Variants in ABLIM1 observed in about 807,000 individuals in gnomAD.
ABLIM1 encodes actin-binding LIM protein 1.
A neutral mutation model predicts 107.0 loss-of-function variants in ABLIM1; 40 were observed. That is an observed-to-expected ratio of 0.37 (90% CI 0.29 to 0.49). The LOEUF is 0.49. ABLIM1 is among the 20% of genes least tolerant of loss of function. The pLI, the probability that ABLIM1 is intolerant of heterozygous loss-of-function variation, is 0.97. For missense variants in ABLIM1, 857 were observed against 1,008.5 expected (o/e 0.85, Z 2.04); for synonymous variants, 357 against 357.3 (o/e 1.00, Z 0.01).
intron 12 of ABLIM1, among the ~76,000 whole-genome samples, chr10:114,461,582 G>C (rs1227971612): frequency 6.6e-6 from 1 of 152,076 alleles, no homozygotes; most frequent in Non-Finnish European, 1.5e-5. Context: ...ACGTTAGGAG[G>C]TCAAGGCGGG....
chr10:114,567,652 A>T (rs985657333), intron 4 of ABLIM1, among the ~76,000 whole-genome samples: 21 of 151,990 alleles, frequency 1.4e-4, no homozygotes, highest in African/African-American at 5.1e-4. Flanking sequence ...AAGGTCAGAG[A>T]CTCTTTCATA....
rs115621195 is a variant in ABLIM1, at chr10:114,646,335, C to T, written c.244+11622G>A. ...GATGAGCATTCAGCCATAGCATCCA[C>T]AATTGAGAACTAGGTGGGCAAAAAT... On this transcript the variant is annotated intron_variant, in intron 1 of 22. Transcript: ENST00000533213. Among the ~76,000 whole-genome samples the T allele has an allele frequency of 4.8e-3, 729 of 152,196 alleles. 2 individuals are homozygous for T. The highest frequency in any genetic ancestry group is 9.6e-3 in the African/African-American group (397 of 41,518).
At chr10:114,769,008 C>T (rs2082970595), upstream of ABLIM1, among the ~76,000 whole-genome samples, 2 of 151,448 alleles carry the variant, frequency 1.3e-5, no homozygotes, top group Non-Finnish European at 2.9e-5. Context: ...ACTCTCACGC[C>T]CTGTCCTCTC....
At chr10:114,598,207 G>A (rs2139840944) in intron 2 of ABLIM1, among the ~76,000 whole-genome samples, 1 of 149,372 alleles carries the variant, frequency 6.7e-6, no homozygotes, top group Admixed American at 6.7e-5. Flanking sequence ...CCGGAAGGCG[G>A]AGGTTGCAGC....
the ABLIM1 span, among the ~76,000 whole-genome samples, chr10:114,775,525 A>G: frequency 6.6e-6 from 1 of 152,190 alleles, no homozygotes; most frequent in Non-Finnish European, 1.5e-5. Context: ...CCATAGATAG[A>G]CCAGGAAGAG....
chr10:114,450,626 G>A (rs2061724511), intron 14 of ABLIM1, among the ~76,000 whole-genome samples: 1 of 142,150 alleles, frequency 7.0e-6, no homozygotes, highest in Non-Finnish European at 1.5e-5. Context: ...TTTAATAGAG[G>A]AGACAGGGTT....
chr10:114,478,914 A>G (rs571457575), intron 8 of ABLIM1, among the ~76,000 whole-genome samples: 60 of 152,318 alleles, frequency 3.9e-4, no homozygotes, highest in Non-Finnish European at 6.8e-4. Context: ...CAATGGCCCA[A>G]TTCTGTTTAC....
At chr10:114,674,889 G>A (rs1322659735) in intron 1 of ABLIM1, among the ~76,000 whole-genome samples, 2 of 152,062 alleles carry the variant, frequency 1.3e-5, no homozygotes, top group African/African-American at 2.4e-5. Context: ...AAGTTTGTGG[G>A]AGGCTGGATC....
chr10:114,457,356 G>T (rs751413773), intron 12 of ABLIM1, among the ~76,000 whole-genome samples: 1 of 151,690 alleles, frequency 6.6e-6, no homozygotes, highest in South Asian at 2.1e-4. Context: ...TGTAACCTCC[G>T]CCTCCCAGGT....
At chr10:114,637,927 A>T (rs1452914256) in intron 1 of ABLIM1, among the ~76,000 whole-genome samples, 2 of 152,202 alleles carry the variant, frequency 1.3e-5, no homozygotes, top group African/African-American at 4.8e-5. Context: ...AAATCCAGTT[A>T]TTGGGATATA....
chr10:114,724,680 GA>G (rs2081920713), intron 1 of ABLIM1, among the ~76,000 whole-genome samples: 3 of 152,332 alleles, frequency 2.0e-5, no homozygotes, highest in African/African-American at 7.2e-5. Flanking sequence ...GGAGAGCTCT[GA>G]GAAGTCCTGC....
intron 8 of ABLIM1, among the ~76,000 whole-genome samples, chr10:114,477,809 C>T (rs1409793932): frequency 1.3e-5 from 2 of 152,166 alleles, no homozygotes; most frequent in African/African-American, 4.8e-5. Flanking sequence ...ACTGCAACCT[C>T]TGCCTCCCAG....
the ABLIM1 span, among the ~76,000 whole-genome samples, chr10:114,780,583 C>G: frequency 3.9e-5 from 6 of 152,128 alleles, no homozygotes; most frequent in African/African-American, 1.4e-4. Context: ...CCCCAACCCC[C>G]TGATTCCTTG....
intron 4 of ABLIM1, among the ~76,000 whole-genome samples, chr10:114,564,698 C>T (rs965735469): frequency 1.3e-5 from 2 of 152,190 alleles, no homozygotes; most frequent in Admixed American, 1.3e-4. Context: ...CGCTGAGTTT[C>T]TGAGATATCA....
At chr10:114,674,289 CAA>C (rs58116385) in intron 1 of ABLIM1, among the ~76,000 whole-genome samples, 187 of 84,544 alleles carry the variant, frequency 2.2e-3, no homozygotes, top group Middle Eastern at 6.6e-3. Context: ...GACTCTGTCA[CAA>C]AAAAAAAAAA....
intron 8 of ABLIM1, among the ~76,000 whole-genome samples, chr10:114,485,948 C>G (rs933865030): frequency 6.6e-6 from 1 of 152,180 alleles, no homozygotes; most frequent in Non-Finnish European, 1.5e-5. Flanking sequence ...TCAGTGTGAA[C>G]CCCGGCTCTG....
the ABLIM1 span, among the ~76,000 whole-genome samples, chr10:114,785,496 G>C: frequency 6.6e-6 from 1 of 152,086 alleles, no homozygotes; most frequent in Non-Finnish European, 1.5e-5. Context: ...CTTTGGCTTT[G>C]TAAGAAAACA....
At chr10:114,470,933 G>A (rs558508808) in intron 10 of ABLIM1, among the ~76,000 whole-genome samples, 12 of 152,190 alleles carry the variant, frequency 7.9e-5, no homozygotes, top group East Asian at 5.8e-4. Context: ...CACCCAGGCC[G>A]GAGTACAATG....
chr10:114,642,733 C>T (rs1201594051), intron 1 of ABLIM1, among the ~76,000 whole-genome samples: 1 of 152,148 alleles, frequency 6.6e-6, no homozygotes, highest in African/African-American at 2.4e-5. Flanking sequence ...AGAATGCTGA[C>T]TCCAAGTCCT....
Sources: allele counts gnomAD v4.1 joint callset (sites outside exome capture counted in the v4.1 genomes callset), GRCh38; gene constraint gnomAD v4.1.1; transcripts MANE v1.5; gene names NCBI Gene and HGNC (gene_info 2026-07-23, HGNC 2026-07-21).